PHKA1: variants seen among roughly 807,000 people sequenced by gnomAD.
PHKA1 encodes the protein phosphorylase b kinase regulatory subunit alpha, skeletal muscle isoform.
Under a neutral mutation model 110.2 loss-of-function variants are expected in PHKA1, and 60 were observed. The ratio of observed to expected loss-of-function variants is 0.54; its 90% CI spans 0.44 to 0.68. PHKA1 has a LOEUF of 0.68. PHKA1 is among the 30% of genes least tolerant of loss of function. The probability of loss-of-function intolerance (pLI) is 0.00; values close to 1 mark genes in which losing one functional copy is unlikely to be tolerated. For missense variants in PHKA1, 801 were observed against 942.5 expected, an observed-to-expected ratio of 0.85 and a Z score of 1.97; for synonymous variants, 316 against 333.6, an observed-to-expected ratio of 0.95 and a Z score of 0.58.
chrX:72,662,654 C>A (rs1186238671), intron 8 of PHKA1, among the ~76,000 whole-genome samples: 2 of 111,753 alleles, frequency 1.8e-5, no homozygotes, highest in East Asian at 5.6e-4. Flanking sequence ...AACAGTCTGG[C>A]AGCCCTTCTC....
Position 72,580,889 on chromosome X carries a change from A to T in PHKA1, c.*113T>A. On this transcript the variant is annotated 3_prime_UTR_variant, in exon 32 of 32. Transcript: ENST00000373542. Reference sequence around the variant, plus strand: ...GTTCTCTCTTCTTGGGAAGGATGGGACAGAAAGGGGCAGGGTTGGAGTGAT... The same window carrying T: ...GTTCTCTCTTCTTGGGAAGGATGGGTCAGAAAGGGGCAGGGTTGGAGTGAT... 1 of 686,761 alleles carries T rather than the reference A, an allele frequency of 1.5e-6. No homozygotes were observed. The highest frequency in any genetic ancestry group is 2.3e-6 in the Non-Finnish European group (1 of 436,091). 56.6% of individuals were successfully genotyped at this position (686,761 alleles called of 1,213,427 possible).
chrX:72,629,460 C>T (rs1204816030), intron 16 of PHKA1, among the ~76,000 whole-genome samples: 4 of 111,403 alleles, frequency 3.6e-5, no homozygotes, highest in Non-Finnish European at 7.6e-5. Context: ...TTTGTCTTTC[C>T]TAACACTTTT....
chrX:72,643,309 G>C (rs1556296249), intron 14 of PHKA1, among the ~76,000 whole-genome samples: 2 of 111,434 alleles, frequency 1.8e-5, no homozygotes, highest in South Asian at 7.5e-4. Flanking sequence ...GGGTTTGTAA[G>C]TGGCAATCCA....
chrX:72,607,228 G>A (rs190187955), intron 23 of PHKA1, among the ~76,000 whole-genome samples: 59 of 111,754 alleles, frequency 5.3e-4, no homozygotes, highest in Non-Finnish European at 7.5e-5. Flanking sequence ...CTTTCTTTGG[G>A]TATATACCTA....
intron 10 of PHKA1, among the ~76,000 whole-genome samples, chrX:72,654,832 C>G (rs2053471153): frequency 1.0e-5 from 1 of 98,315 alleles, no homozygotes; most frequent in Non-Finnish European, 2.0e-5. Flanking sequence ...GAGTCTCGCT[C>G]TGTCGCCCAG....
rs886368462 is a variant in PHKA1 at position 72,689,218 on chromosome X, C to G, written c.455-4638G>C. On this transcript the variant is annotated intron_variant, in intron 4 of 31. Coordinates refer to ENST00000373542, the MANE Select transcript of PHKA1 (RefSeq NM_002637.4). ...GCATGCATAAGAAGTATATATTCAA[C>G]GGTTTTTAGTGTATGCACAGTTATG... is the stretch of plus-strand genomic sequence containing the variant. Among the ~76,000 whole-genome samples the G allele has an allele frequency of 2.7e-5, 3 of 111,981 alleles. No individual in the cohort carries two copies. The East Asian group carries it at 8.4e-4, about 31-fold the overall frequency.
Position 72,587,273 on chromosome X carries a change from G to A in PHKA1, c.3244-2971C>T, listed in dbSNP as rs782585898. Among the ~76,000 whole-genome samples, 685 of 111,380 alleles carry A rather than the reference G, an allele frequency of 6.2e-3. 8 individuals are homozygous for A. The highest frequency in any genetic ancestry group is 0.021 in the African/African-American group (650 of 30,674). ...TACAAGCCAGAAGAGAGTGGGGGCC[G>A]ATATTCAACATTCTTAAAGAAAAGA... On this transcript the variant is annotated intron_variant, in intron 29 of 31. Transcript: ENST00000373542.
intron 5 of PHKA1, among the ~76,000 whole-genome samples, chrX:72,682,934 T>TAAAAAAAAAAAAAAAAAAAA (rs1164416043): frequency 3.1e-5 from 2 of 63,853 alleles, no homozygotes; most frequent in Non-Finnish European, 5.5e-5. Context: ...AAAAATAAAT[T>TAAAAAAAAAAAAAAAAAAAA]AAAAAAAAAA....
At chrX:72,595,429 A>ATGGGGGGCC (rs1311219367) in intron 28 of PHKA1, among the ~76,000 whole-genome samples, 1 of 111,276 alleles carries the variant, frequency 9.0e-6, no homozygotes, top group Non-Finnish European at 1.9e-5. Flanking sequence ...TCAACATTTT[A>ATGGGGGGCC]TGGGGGGCCT....
At chrX:72,650,247 C>A (rs1257753243) in intron 13 of PHKA1, 143 bp downstream of exon 13, 1 of 499,996 alleles carries the variant, frequency 2.0e-6, no homozygotes, top group African/African-American at 2.4e-5. Flanking sequence ...TGAAACCAAA[C>A]CGAACAAAGT....
chrX:72,681,345 G>A (rs1377381521), intron 5 of PHKA1, among the ~76,000 whole-genome samples: 1 of 112,256 alleles, frequency 8.9e-6, no homozygotes, highest in Non-Finnish European at 1.9e-5. Context: ...CCCCGTCTGA[G>A]AAGTGAGGAG....
At chrX:72,615,167 A>G (rs191147524) in intron 21 of PHKA1, among the ~76,000 whole-genome samples, 302 of 111,954 alleles carry the variant, frequency 2.7e-3, no homozygotes, top group African/African-American at 8.8e-3. Context: ...AGAATACTTC[A>G]GAAATGAAGA....
At chrX:72,680,091 C>T (rs781793761) in intron 5 of PHKA1, among the ~76,000 whole-genome samples, 5 of 110,115 alleles carry the variant, frequency 4.5e-5, no homozygotes, top group South Asian at 7.9e-4. Context: ...CTTGGCTCAC[C>T]GCAACCTCTA....
chrX:72,630,999 G>GTTTTTTTTTTTTT (rs146161152), intron 16 of PHKA1, among the ~76,000 whole-genome samples: 429 of 44,470 alleles, frequency 9.6e-3, no homozygotes, highest in Non-Finnish European at 0.012. Context: ...ATTTTTTCAG[G>GTTTTTTTTTTTTT]TTTTTTTTTT....
rs1556196549 is a variant in PHKA1 at position 72,579,278 on chromosome X, CTT to C, written c.*1722_*1723del. 1.8e-5 allele frequency: 2 copies of C among 112,125 alleles called. No homozygotes were observed. Among genetic ancestry groups the C allele is most frequent in the African/African-American group, 6.5e-5 (2 of 30,814 alleles). 9.2% of individuals were successfully genotyped at this position (112,125 alleles called of 1,213,427 possible). On this transcript the variant is annotated 3_prime_UTR_variant, in exon 32 of 32. Coordinates refer to ENST00000373542, the MANE Select transcript of PHKA1 (RefSeq NM_002637.4). ...GTGCTGAAAAGGTTTGCTGTCCTCT[CTT>C]TGTTTCTACTATCTGTATTCTATCA...
Position 72,580,997 on chromosome X carries a change from A to G in PHKA1, c.*5T>C, listed in dbSNP as rs782635298. On this transcript the variant is annotated 3_prime_UTR_variant, in exon 32 of 32. Transcript: ENST00000373542. The stretch of plus-strand genomic sequence containing the variant: ...AAGGCTCCCAGAAGCCAGGAACCAA[A>G]GCCCTCATTGCATGGCACAGATGCT... 6.6e-6 allele frequency: 8 copies of G among 1,208,126 alleles called. No homozygotes were observed. In the East Asian group the frequency reaches 2.4e-4, roughly 36 times the overall value.
intron 2 of PHKA1, chrX:72,711,910 A>G (rs1459014618): frequency 1.8e-5 from 2 of 111,151 alleles, no homozygotes; most frequent in Non-Finnish European, 3.8e-5. Context: ...ACCCCACATT[A>G]TATTGATACT....
chrX:72,683,267 G>A (rs1268572567), intron 5 of PHKA1, among the ~76,000 whole-genome samples: 1 of 110,934 alleles, frequency 9.0e-6, no homozygotes, highest in African/African-American at 3.3e-5. Flanking sequence ...GCGAAACCTC[G>A]TCTCTATAAA....
intron 5 of PHKA1, among the ~76,000 whole-genome samples, 156 bp downstream of exon 5, chrX:72,684,342 G>C (rs1164954477): frequency 8.9e-6 from 1 of 111,795 alleles, no homozygotes; most frequent in Admixed American, 9.5e-5. Flanking sequence ...CAGGATGACA[G>C]GTCTTAATAA....
Sources: gnomAD v4.1 joint callset for allele counts (sites outside exome capture counted in the v4.1 genomes callset) on GRCh38, gnomAD v4.1.1 for gene constraint, MANE v1.5 for transcripts, NCBI Gene and HGNC (gene_info 2026-07-23, HGNC 2026-07-21) for gene names.